The following AKAP13 variants were observed in gnomAD, a reference collection of about 807,000 sequenced individuals.
AKAP13 encodes A-kinase anchor protein 13.
A neutral mutation model predicts 264.5 loss-of-function variants in AKAP13; 80 were observed. The observed-to-expected ratio is 0.30, with a 90% CI of 0.25 to 0.36. The LOEUF (loss-of-function observed/expected upper bound fraction) is 0.36. AKAP13 is among the 10% of genes least tolerant of loss of function. The pLI is 1.00. For synonymous variants in AKAP13, 1,380 were observed against 1,250.2 expected, an observed-to-expected ratio of 1.10 and a Z score of -2.19; for missense variants, 3,712 against 3,435.2, an observed-to-expected ratio of 1.08 and a Z score of -2.01.
intron 8 of AKAP13, among the ~76,000 whole-genome samples, chr15:85,597,807 T>G (rs916198302): frequency 6.6e-6 from 1 of 152,144 alleles, no homozygotes; most frequent in Admixed American, 6.5e-5. Context: ...CCTTGAAATT[T>G]AGTGAAAATT....
At chr15:85,515,659 T>C (rs1041921859) in intron 2 of AKAP13, among the ~76,000 whole-genome samples, 1 of 138,496 alleles carries the variant, frequency 7.2e-6, no homozygotes, top group African/African-American at 2.9e-5. Flanking sequence ...TTAATGACAT[T>C]TTCTGAAGAG....
At chr15:85,542,232 T>C (rs529179311) in intron 4 of AKAP13, among the ~76,000 whole-genome samples, 2 of 152,328 alleles carry the variant, frequency 1.3e-5, no homozygotes, top group South Asian at 2.1e-4. Context: ...CCTGCACATG[T>C]AGTTGTTGCT....
In AKAP13 at chr15:85,500,093, C is replaced by A. The variant is rs1454861346; in HGVS notation, c.33+14340C>A. On this transcript the variant is annotated intron_variant, in intron 2 of 36. Transcript: ENST00000394518. ...TTTTCTTTTTGGTTAGGATTTATGA[C>A]CCCAAAGGGAAGGTTACTGTAGTTC... 5.4e-4 allele frequency among the ~76,000 whole-genome samples: 82 copies of A among 152,078 alleles called. 1 individual carries two copies. Among genetic ancestry groups the A allele is most frequent in the Non-Finnish European group, 4.4e-5 (3 of 68,016 alleles).
intron 11 of AKAP13, among the ~76,000 whole-genome samples, chr15:85,656,699 C>T (rs964808207): frequency 6.6e-5 from 10 of 152,166 alleles, no homozygotes; most frequent in African/African-American, 1.2e-4. Flanking sequence ...CCACCCGCCT[C>T]GGCCTCCCAA....
chr15:85,456,707 C>T (rs750632175), intron 1 of AKAP13, among the ~76,000 whole-genome samples: 60 of 152,100 alleles, frequency 3.9e-4, no homozygotes, highest in South Asian at 1.2e-3. Flanking sequence ...CCCGCCACCA[C>T]GCTTGGCTAA....
rs1175088658 is a variant in AKAP13, at chr15:85,747,891, T to C, written c.*3214T>C. On this transcript the variant is annotated 3_prime_UTR_variant, in exon 37 of 37. Coordinates refer to ENST00000394518, the MANE Select transcript of AKAP13 (RefSeq NM_007200.5). ...GCCCCTTTGCTCATTTTCTCCCGTA[T>C]TTGTTACCTTCCTGAGGCCTCAGTA... is the stretch of plus-strand genomic sequence containing the variant. 6.5e-6 allele frequency: 1 copy of C among 153,290 alleles called. No individual in the cohort carries two copies. Among genetic ancestry groups the C allele is most frequent in the Non-Finnish European group, 1.5e-5 (1 of 68,044 alleles). The allele number at this position is 153,290 out of a possible 1,614,324, so 9.5% of individuals were successfully genotyped here.
chr15:85,577,447 T>G (rs370468048), intron 6 of AKAP13, among the ~76,000 whole-genome samples: 1 of 152,340 alleles, frequency 6.6e-6, no homozygotes, highest in Non-Finnish European at 1.5e-5. Flanking sequence ...CCTGTATTTG[T>G]TTTTCTCCAT....
intron 8 of AKAP13, among the ~76,000 whole-genome samples, chr15:85,609,208 A>G (rs1168097871): frequency 6.6e-6 from 1 of 152,180 alleles, no homozygotes; most frequent in Non-Finnish European, 1.5e-5. Context: ...GTGTGATGGA[A>G]TACTACATTT....
At chr15:85,623,962 G>A (rs1478623508) in intron 8 of AKAP13, among the ~76,000 whole-genome samples, 5 of 152,204 alleles carry the variant, frequency 3.3e-5, no homozygotes, top group Admixed American at 2.6e-4. Context: ...TGTTGACCTC[G>A]GAAGTTGGTA....
rs764876207 is a variant in AKAP13, at chr15:85,722,073, A to C, written c.6335A>C (p.Lys2112Thr). 1 of 1,614,170 alleles carries C rather than the reference A, an allele frequency of 6.2e-7. No homozygotes were observed. The highest frequency in any genetic ancestry group is 2.2e-5 in the East Asian group (1 of 44,888). The change falls in exon 24 of 37, where the codon AAA (lysine) becomes ACA (threonine). Residue 2112 changes from lysine to threonine, a missense_variant. This residue lies in a region of AKAP13 where 342 missense variants were observed against 484.3 expected (regional missense o/e 0.71). Transcript: ENST00000394518. Reference sequence around the variant, plus strand: ...CATAACCAGTCTGTAAACTACTTCAAAGACCTTTATGCCAAGGATAAGCGT... The same window carrying C: ...CATAACCAGTCTGTAAACTACTTCACAGACCTTTATGCCAAGGATAAGCGT... The part of the protein sequence containing the change: ...GQHNQSVNYF[K>T]DLYAKDKRFQ...
intron 3 of AKAP13, among the ~76,000 whole-genome samples, chr15:85,525,416 A>G (rs1372608164): frequency 6.6e-6 from 1 of 152,164 alleles, no homozygotes; most frequent in Non-Finnish European, 1.5e-5. Context: ...GTAATTTTTG[A>G]TGAAAACATT....
rs1160050565 is a variant in AKAP13 at position 85,458,386 on chromosome 15, G to GTTTTT, written c.-11-27322_-11-27318dup. ...TTTTTTCTCTTTTTTTGTATTTTTT[G>GTTTTT]TTTTTTGTTTTTTTTTTTTTTTACT... is the stretch of plus-strand genomic sequence containing the variant. On this transcript the variant is annotated intron_variant, in intron 1 of 36. Coordinates refer to ENST00000394518, the MANE Select transcript of AKAP13 (RefSeq NM_007200.5). Among the ~76,000 whole-genome samples the GTTTTT allele has an allele frequency of 7.1e-3, 732 of 103,594 alleles. 27 individuals are homozygous for GTTTTT. Among genetic ancestry groups the GTTTTT allele is most frequent in the African/African-American group, 0.036 (689 of 19,290 alleles). The allele number at this position is 103,594 out of a possible 152,430, so 68.0% of individuals were successfully genotyped here.
chr15:85,421,697 C>T (rs1432684128), intron 1 of AKAP13, among the ~76,000 whole-genome samples: 1 of 152,256 alleles, frequency 6.6e-6, no homozygotes, highest in Non-Finnish European at 1.5e-5. Flanking sequence ...AGCAAAGGCC[C>T]TTCCTCCTCT....
intron 17 of AKAP13, among the ~76,000 whole-genome samples, chr15:85,703,916 C>T (rs1019568374): frequency 6.6e-6 from 1 of 151,392 alleles, no homozygotes; most frequent in Non-Finnish European, 1.5e-5. Context: ...GACAGGGTCT[C>T]TGTTAAAGAT....
chr15:85,736,031 G>A (rs2088458950), intron 32 of AKAP13, 59 bp from the exon 33 acceptor site: 3 of 1,321,400 alleles, frequency 2.3e-6, no homozygotes, highest in Non-Finnish European at 3.3e-6. Context: ...GAAACACACT[G>A]AATGTCATTT....
At chr15:85,695,025 T>A (rs1390964213) in intron 17 of AKAP13, among the ~76,000 whole-genome samples, 1 of 152,050 alleles carries the variant, frequency 6.6e-6, no homozygotes, top group Non-Finnish European at 1.5e-5. Context: ...CCTCCTGACA[T>A]CAAGTGATCT....
chr15:85,737,549 T>C (rs1345424503), intron 33 of AKAP13, among the ~76,000 whole-genome samples: 1 of 152,134 alleles, frequency 6.6e-6, no homozygotes, highest in African/African-American at 2.4e-5. Flanking sequence ...AATCTTTCCT[T>C]TTTCCCCCTA....
chr15:85,444,419 A>G (rs1567060713), intron 1 of AKAP13, among the ~76,000 whole-genome samples: 1 of 152,204 alleles, frequency 6.6e-6, no homozygotes, highest in Non-Finnish European at 1.5e-5. Context: ...TGGAAATGAA[A>G]TCCTAAAGGC....
intron 1 of AKAP13, among the ~76,000 whole-genome samples, chr15:85,381,341 C>A (rs1240516125): frequency 6.6e-6 from 1 of 151,992 alleles, no homozygotes; most frequent in Non-Finnish European, 1.5e-5. Flanking sequence ...GTCGGTGCCT[C>A]TCCGCGGCTT....
Sources: gnomAD v4.1 joint callset for allele counts (sites outside exome capture counted in the v4.1 genomes callset) on GRCh38, gnomAD v4.1.1 for gene constraint, gnomAD v4.1.1 regional missense constraint, MANE v1.5 for transcripts, NCBI Gene and HGNC (gene_info 2026-07-23, HGNC 2026-07-21) for gene names.